XKR4: variants seen among roughly 807,000 people sequenced by gnomAD.
XKR4 encodes the protein XK related 4.
In XKR4, 12 loss-of-function variants were observed where a neutral mutation model predicts 53.9. The ratio of observed to expected loss-of-function variants is 0.22; its 90% confidence interval spans 0.14 to 0.36. The LOEUF is 0.36. XKR4 is among the 10% of genes least tolerant of loss of function. The probability of loss-of-function intolerance (pLI) is 1.00; values close to 1 mark genes in which losing one functional copy is unlikely to be tolerated. For missense variants in XKR4, 799 were observed against 859.5 expected (o/e 0.93, Z 0.88); for synonymous variants, 354 against 362.4 (o/e 0.98, Z 0.26).
intron 1 of XKR4, among the ~76,000 whole-genome samples, chr8:55,251,028 C>T (rs1818354122): frequency 6.6e-6 from 1 of 152,206 alleles, no homozygotes; most frequent in Non-Finnish European, 1.5e-5. Flanking sequence ...GGACGAAGTA[C>T]ACCCTCAAGA....
intron 2 of XKR4, among the ~76,000 whole-genome samples, chr8:55,362,995 T>G (rs1456604918): frequency 3.3e-5 from 5 of 152,206 alleles, no homozygotes; most frequent in African/African-American, 7.2e-5. Context: ...GGAAACATTG[T>G]GCGGAAATAA....
intron 2 of XKR4, among the ~76,000 whole-genome samples, chr8:55,390,639 T>G (rs1383586846): frequency 6.6e-6 from 1 of 152,224 alleles, no homozygotes; most frequent in East Asian, 1.9e-4. Context: ...CACTTTGGTG[T>G]TAGTGTTTGA....
chr8:55,516,822 T>G (rs754168813), intron 2 of XKR4, among the ~76,000 whole-genome samples: 2 of 152,184 alleles, frequency 1.3e-5, no homozygotes, highest in Non-Finnish European at 2.9e-5. Context: ...CACCTGCACT[T>G]GTATGTTGAT....
chr8:55,292,261 C>T (rs1328696494), intron 1 of XKR4, among the ~76,000 whole-genome samples: 2 of 152,042 alleles, frequency 1.3e-5, no homozygotes. Flanking sequence ...TTATTCAAAC[C>T]AAGCCAATAA....
At chr8:55,111,489 A>T (rs1400064293) in intron 1 of XKR4, among the ~76,000 whole-genome samples, 2 of 152,178 alleles carry the variant, frequency 1.3e-5, no homozygotes, top group Non-Finnish European at 2.9e-5. Flanking sequence ...GGTTGATAAT[A>T]TTAGTGTCTA....
chr8:55,451,432 C>T, intron 2 of XKR4: 1 of 1,200,786 alleles, frequency 8.3e-7, no homozygotes. Flanking sequence ...GGGCATGGAG[C>T]TGACAACAGC....
chr8:55,322,072 C>T (rs927458225), intron 1 of XKR4, among the ~76,000 whole-genome samples: 9 of 152,200 alleles, frequency 5.9e-5, no homozygotes, highest in Non-Finnish European at 1.3e-4. Flanking sequence ...TTCCACCTTG[C>T]TTGTCTCCTC....
rs1450802497 is a variant in XKR4 at position 55,524,597 on chromosome 8, G to A, written c.*370G>A. 1 of 235,588 alleles carries A rather than the reference G, an allele frequency of 4.2e-6. No homozygotes were observed. Among genetic ancestry groups the A allele is most frequent in the Non-Finnish European group, 8.3e-6 (1 of 120,588 alleles). The allele number at this position is 235,588 out of a possible 1,614,324, so 14.6% of individuals were successfully genotyped here. A position where few individuals can be genotyped will look rare whatever the true frequency, so the allele number is the denominator to read the frequency against. Reference sequence around the variant, plus strand: ...TGATCTTTCCATAAAAATAGATTCAGTCATACACACATACACACACTAACA... The same window carrying A: ...TGATCTTTCCATAAAAATAGATTCAATCATACACACATACACACACTAACA... On this transcript the variant is annotated 3_prime_UTR_variant, in exon 3 of 3. Transcript: ENST00000327381.
chr8:55,194,211 A>C (rs1404557361), intron 1 of XKR4, among the ~76,000 whole-genome samples: 1 of 152,204 alleles, frequency 6.6e-6, no homozygotes, highest in African/African-American at 2.4e-5. Flanking sequence ...CTGCAAATTG[A>C]GAGTGTGGCG....
In XKR4 at chr8:55,102,293, C is replaced by T. The variant is rs930735676; in HGVS notation, c.-196C>T. ...GCGCTCCTGCCGGCCCCAGGCGCGCCGCTAGCCCGGCCCAGCGCCCAGCCC... is the reference window on the plus strand; with the variant it reads ...GCGCTCCTGCCGGCCCCAGGCGCGCTGCTAGCCCGGCCCAGCGCCCAGCCC... On this transcript the variant is annotated 5_prime_UTR_variant, in exon 1 of 3. Transcript: ENST00000327381. This position sits in a 1 kb window ranked among gnomAD's most constrained non-coding sequence, Gnocchi z 5.1. The T allele has an allele frequency of 2.8e-6, 2 of 711,414 alleles. No homozygotes were observed. The highest frequency in any genetic ancestry group is 3.4e-6 in the Non-Finnish European group (2 of 580,866). The allele number at this position is 711,414 out of a possible 1,614,324, so 44.1% of individuals were successfully genotyped here.
chr8:55,131,851 A>G (rs956775311), intron 1 of XKR4, among the ~76,000 whole-genome samples: 1 of 152,066 alleles, frequency 6.6e-6, no homozygotes, highest in East Asian at 1.9e-4. Context: ...CCAGGACTGC[A>G]GGCATTGGGC....
intron 2 of XKR4, among the ~76,000 whole-genome samples, chr8:55,505,259 G>GT (rs902847451): frequency 3.9e-5 from 6 of 152,034 alleles, no homozygotes; most frequent in East Asian, 3.9e-4. Flanking sequence ...TTGCTGCGTT[G>GT]TTTTTTCATT....
In XKR4 at chr8:55,454,536, G is replaced by A. The variant is rs1805525306; in HGVS notation, c.1007-68745G>A. On this transcript the variant is annotated intron_variant, in intron 2 of 2. Coordinates refer to ENST00000327381, the MANE Select transcript of XKR4 (RefSeq NM_052898.2). The stretch of plus-strand genomic sequence containing the variant: ...CCCAGCTGGCGGAAGAGCAGGCCAC[G>A]CTGCAGCTGCTGATGGGCAGGGAGT... The A allele has an allele frequency of 7.2e-6, 10 of 1,396,706 alleles. No homozygotes were observed. In the South Asian group the frequency reaches 7.5e-5, roughly 10 times the overall value. 86.5% of individuals were successfully genotyped at this position (1,396,706 alleles called of 1,614,324 possible).
At chr8:55,443,394 A>AT (rs946584274) in intron 2 of XKR4, among the ~76,000 whole-genome samples, 157 of 147,324 alleles carry the variant, frequency 1.1e-3, no homozygotes, top group African/African-American at 2.7e-3. Context: ...ACCATGAGTG[A>AT]TTTTTTTTTT....
chr8:55,128,139 C>T (rs111244594), intron 1 of XKR4, among the ~76,000 whole-genome samples: 41,980 of 151,554 alleles, frequency 0.28, 6,520 homozygotes, highest in African/African-American at 0.42. Context: ...AGTTCTAGAT[C>T]CCTGAGGAAT....
chr8:55,475,371 TG>T (rs1457831391), intron 2 of XKR4, among the ~76,000 whole-genome samples: 2 of 136,662 alleles, frequency 1.5e-5, no homozygotes, highest in African/African-American at 2.9e-5. Context: ...GATTCATAAA[TG>T]TTTTTTGCTT....
At chr8:55,518,609 C>T (rs1489826750) in intron 2 of XKR4, among the ~76,000 whole-genome samples, 1 of 152,152 alleles carries the variant, frequency 6.6e-6, no homozygotes, top group Non-Finnish European at 1.5e-5. Context: ...ATGTTGTCAC[C>T]TACAGCCAGA....
intron 1 of XKR4, among the ~76,000 whole-genome samples, chr8:55,334,814 C>T (rs1339771817): frequency 2.0e-5 from 3 of 152,124 alleles, no homozygotes; most frequent in Non-Finnish European, 4.4e-5. Context: ...CCCTCAGACA[C>T]ATGTCTGAAG....
At chr8:55,217,337 A>G (rs1817817443) in intron 1 of XKR4, among the ~76,000 whole-genome samples, 1 of 152,174 alleles carries the variant, frequency 6.6e-6, no homozygotes. Flanking sequence ...TACATTAGTA[A>G]TCTGAGAAAT....
Sources: gnomAD v4.1 joint callset for allele counts (sites outside exome capture counted in the v4.1 genomes callset) on GRCh38, gnomAD v4.1.1 for gene constraint, Gnocchi (gnomAD v3.1) non-coding constraint, MANE v1.5 for transcripts, NCBI Gene and HGNC (gene_info 2026-07-23, HGNC 2026-07-21) for gene names.